LAMB4: variants seen among roughly 807,000 people sequenced by gnomAD.
LAMB4 encodes laminin subunit beta 4, also known as laminin subunit beta-4.
Under a neutral mutation model 199.2 loss-of-function variants are expected in LAMB4, and 196 were observed. The observed-to-expected ratio is 0.98, with a 90% CI of 0.88 to 1.11. The LOEUF (loss-of-function observed/expected upper bound fraction) is 1.11, where lower values mean the gene tolerates loss of function less well. Ranked by LOEUF, LAMB4 falls within the 50% of genes least tolerant of loss-of-function variation. The probability of loss-of-function intolerance (pLI) is 0.00; values close to 1 mark genes in which losing one functional copy is unlikely to be tolerated. For missense variants in LAMB4, 2,080 were observed against 2,171.2 expected (o/e 0.96, Z 0.83); for synonymous variants, 744 against 770.6 (o/e 0.97, Z 0.57).
Position 108,106,050 on chromosome 7 carries a change from T to C in LAMB4, c.656-19A>G. On this transcript the variant is annotated intron_variant, in intron 7 of 33. Coordinates refer to ENST00000388781, the MANE Select transcript of LAMB4 (RefSeq NM_007356.3). ...ACAAGGTCTAAAGAAAGGAAAATAATGAATCAAAGTGAATTTGAGGTGCAT... is the reference window on the plus strand; with the variant it reads ...ACAAGGTCTAAAGAAAGGAAAATAACGAATCAAAGTGAATTTGAGGTGCAT... 1 of 1,569,932 alleles carries C rather than the reference T, an allele frequency of 6.4e-7. No individual in the cohort carries two copies. The highest frequency in any genetic ancestry group is 8.8e-7 in the Non-Finnish European group (1 of 1,140,000).
intron 11 of LAMB4, among the ~76,000 whole-genome samples, chr7:108,097,685 G>A (rs1167066844): frequency 6.6e-6 from 1 of 152,102 alleles, no homozygotes; most frequent in South Asian, 2.1e-4. Flanking sequence ...CTGCACTCCA[G>A]CCTGGGTGAC....
intron 6 of LAMB4, 51 bp from the exon 7 acceptor site, chr7:108,106,623 T>C (rs2038025725): frequency 1.9e-6 from 2 of 1,067,552 alleles, no homozygotes; most frequent in Non-Finnish European, 2.8e-6. Flanking sequence ...AAAACGTAAT[T>C]GTCAAACACA....
intron 29 of LAMB4, among the ~76,000 whole-genome samples, chr7:108,038,912 A>C (rs1284225790): frequency 6.6e-6 from 1 of 152,240 alleles, no homozygotes; most frequent in Non-Finnish European, 1.5e-5. Flanking sequence ...CCTATAAGTC[A>C]TTATATACAA....
chr7:108,072,537 G>A (rs919119002), intron 17 of LAMB4, among the ~76,000 whole-genome samples: 1 of 152,048 alleles, frequency 6.6e-6, no homozygotes. Flanking sequence ...GTTAAAAAAG[G>A]GGGCATGGGA....
intron 3 of LAMB4, 102 bp downstream of exon 3, chr7:108,115,902 G>T: frequency 8.0e-7 from 1 of 1,257,702 alleles, no homozygotes; most frequent in Middle Eastern, 2.0e-4. Context: ...GTTTAAAAAG[G>T]AAGTTGTCTC....
chr7:108,123,054 A>G, intron 2 of LAMB4, 77 bp downstream of exon 2: 3 of 1,273,260 alleles, frequency 2.4e-6, no homozygotes, highest in Non-Finnish European at 3.3e-6. Flanking sequence ...ACAGAAGTGA[A>G]TATGTTTAAA....
intron 17 of LAMB4, among the ~76,000 whole-genome samples, chr7:108,075,025 G>T (rs2036651396): frequency 6.6e-6 from 1 of 152,058 alleles, no homozygotes; most frequent in Non-Finnish European, 1.5e-5. Flanking sequence ...TTAGTGATCT[G>T]GGACTTCATT....
In LAMB4 at chr7:108,077,014, G is replaced by A; in HGVS notation, c.2054C>T (p.Ser685Phe). ...PICLEPDVQY[S>F]IDVYFSQPLQ... ...AGGCTGAGAAAAATAGACATCTATG[G>A]AATATTGTACATCTGGTTCTAAACA... is the stretch of plus-strand genomic sequence containing the variant. The change falls in exon 17 of 34, where the codon TCC (serine) becomes TTC (phenylalanine). Residue 685 changes from serine to phenylalanine, a missense_variant. Physicochemically the swap from Ser to Phe is radical, Grantham distance 155 (BLOSUM62 -2). Coordinates refer to ENST00000388781, the MANE Select transcript of LAMB4 (RefSeq NM_007356.3). 2 of 1,613,796 alleles carry A rather than the reference G, an allele frequency of 1.2e-6. No homozygotes were observed. Among genetic ancestry groups the A allele is most frequent in the Non-Finnish European group, 1.7e-6 (2 of 1,179,724 alleles).
chr7:108,037,380 G>T lies in LAMB4; in HGVS notation c.4679+8C>A. ...AGAGCAAGATAAGAATATTAATACA[G>T]TACTTACTCAGCTGCTTTGGCCTTC... On this transcript the variant is annotated splice_region_variant and intron_variant, in intron 30 of 33. Coordinates refer to ENST00000388781, the MANE Select transcript of LAMB4 (RefSeq NM_007356.3). 8 of 1,603,396 alleles carry T rather than the reference G, an allele frequency of 5.0e-6. No homozygotes were observed. The South Asian group carries it at 6.6e-5, about 13-fold the overall frequency.
At chr7:108,082,261 C>T (rs772617764) in intron 14 of LAMB4, among the ~76,000 whole-genome samples, 1 of 145,722 alleles carries the variant, frequency 6.9e-6, no homozygotes, top group Non-Finnish European at 1.5e-5. Context: ...ACCCGGAAGG[C>T]GGAGCTTGCA....
Position 108,043,446 on chromosome 7 carries a change from G to C in LAMB4, c.4471+306C>G, listed in dbSNP as rs1488801615. On this transcript the variant is annotated intron_variant, in intron 29 of 33. Transcript: ENST00000388781. ...TTTTTTGGCACAGAGTTGGTATTTT[G>C]AGATTATTCTCATTAAGGAATTAAA... Among the ~76,000 whole-genome samples the C allele has an allele frequency of 2.7e-5, 4 of 149,944 alleles. No homozygotes were observed. The East Asian group carries it at 8.1e-4, about 30-fold the overall frequency.
chr7:108,111,214 T>A (rs946483152), intron 4 of LAMB4, among the ~76,000 whole-genome samples: 1 of 152,148 alleles, frequency 6.6e-6, no homozygotes, highest in South Asian at 2.1e-4. Flanking sequence ...GGATCCCTGA[T>A]CAAGTCCACA....
In LAMB4 at chr7:108,037,539, G is replaced by A. The variant is rs1627354; in HGVS notation, c.4528C>T (p.His1510Tyr). 0.081 allele frequency: 131,393 copies of A among 1,613,836 alleles called. 14,518 individuals are homozygous for A. The highest frequency in any genetic ancestry group is 0.55 in the African/African-American group (41,523 of 74,904). The change falls in exon 30 of 34, where the codon CAC (histidine) becomes TAC (tyrosine). Residue 1510 changes from histidine to tyrosine, a missense_variant. Physicochemically the swap from His to Tyr is moderately conservative, Grantham distance 83. Transcript: ENST00000388781. ...AGATTTTGGGATGGAATTGGTAGGT[G>A]AATGTCAAGCACACCATTCGCAACC... ...EKVANGVLDI[H>Y]LPIPSQNLTD...
chr7:108,114,828 G>T (rs1433656675), intron 3 of LAMB4, among the ~76,000 whole-genome samples: 1 of 152,140 alleles, frequency 6.6e-6, no homozygotes, highest in Non-Finnish European at 1.5e-5. Flanking sequence ...AGATGACCTT[G>T]GATGCTTGTT....
intron 14 of LAMB4, among the ~76,000 whole-genome samples, chr7:108,082,264 A>T (rs2036976941): frequency 6.7e-6 from 1 of 148,386 alleles, no homozygotes; most frequent in Non-Finnish European, 1.5e-5. Context: ...CGGAAGGCGG[A>T]GCTTGCAGTG....
At chr7:108,119,009 T>G (rs1159981457) in intron 2 of LAMB4, among the ~76,000 whole-genome samples, 1 of 152,136 alleles carries the variant, frequency 6.6e-6, no homozygotes, top group Non-Finnish European at 1.5e-5. Flanking sequence ...GTGAAGAAGA[T>G]ACACAGATGG....
intron 12 of LAMB4, among the ~76,000 whole-genome samples, chr7:108,093,095 C>T (rs371551043): frequency 5.9e-5 from 9 of 152,156 alleles, no homozygotes; most frequent in African/African-American, 1.4e-4. Context: ...ACCCCACAGA[C>T]GGAGTCTTGT....
chr7:108,017,063 T>C, the LAMB4 span, among the ~76,000 whole-genome samples: 1 of 150,252 alleles, frequency 6.7e-6, no homozygotes, highest in Non-Finnish European at 1.5e-5. Context: ...ACAGAGTTTA[T>C]GAATATGAAG....
chr7:108,066,551 T>C lies in LAMB4; in HGVS notation c.2496A>G (p.Val832=). ...QGSKDTVCDQ[V]TGQCPCHGEV... is the part of the protein sequence containing the mutation. ...CTCCATGGCAGGGGCACTGTCCTGT[T>C]ACTTGGTCACATACAGTGTCCTTTG... The change falls in exon 20 of 34, where the codon GTA becomes GTG. Residue 832 remains valine, a synonymous_variant. Transcript: ENST00000388781. 6.2e-7 allele frequency: 1 copy of C among 1,613,666 alleles called. No individual in the cohort carries two copies. The highest frequency in any genetic ancestry group is 8.5e-7 in the Non-Finnish European group (1 of 1,179,864).
Sources: allele counts gnomAD v4.1 joint callset (sites outside exome capture counted in the v4.1 genomes callset), GRCh38; gene constraint gnomAD v4.1.1; transcripts MANE v1.5; gene names NCBI Gene and HGNC (gene_info 2026-07-23, HGNC 2026-07-21).